PTPN5: variants seen among roughly 807,000 people sequenced by gnomAD.
PTPN5 encodes the protein protein tyrosine phosphatase non-receptor type 5, also known as tyrosine-protein phosphatase non-receptor type 5.
Under a neutral mutation model 73.9 loss-of-function variants are expected in PTPN5, and 29 were observed. The ratio of observed to expected loss-of-function variants is 0.39; its 90% CI spans 0.29 to 0.54. The LOEUF is 0.54. Ranked by LOEUF, PTPN5 falls within the 20% of genes least tolerant of loss-of-function variation. PTPN5 has a pLI of 0.65. For missense variants in PTPN5, 652 were observed against 751.4 expected, an observed-to-expected ratio of 0.87 and a Z score of 1.55; for synonymous variants, 267 against 304.7, an observed-to-expected ratio of 0.88 and a Z score of 1.29.
intron 3 of PTPN5, among the ~76,000 whole-genome samples, chr11:18,747,254 A>G (rs1345702646): frequency 1.3e-5 from 2 of 151,734 alleles, no homozygotes; most frequent in Non-Finnish European, 2.9e-5. Context: ...GGGTTCAAGC[A>G]ATTCTCCTGC....
At chr11:18,772,611 T>A (rs889759194) in intron 1 of PTPN5, among the ~76,000 whole-genome samples, 4 of 152,058 alleles carry the variant, frequency 2.6e-5, no homozygotes, top group Non-Finnish European at 5.9e-5. Flanking sequence ...GGTGCGGGCA[T>A]GGCAGGGACC....
At chr11:18,759,952 G>C (rs1485711630) in intron 3 of PTPN5, among the ~76,000 whole-genome samples, 1 of 152,128 alleles carries the variant, frequency 6.6e-6, no homozygotes, top group Admixed American at 6.5e-5. Flanking sequence ...AGGTAAACCT[G>C]CTCCTTAAAA....
chr11:18,744,117 A>T lies in PTPN5; in HGVS notation c.180T>A (p.Pro60=), dbSNP rs1849505278. The part of the protein sequence containing the change: ...QDSQREMPPP[P]PPSPPSDPAQ... Reference sequence around the variant, plus strand: ...CTGGATCTGAGGGCGGCGAGGGAGGAGGGGGTGGCGGCATCTCTCTCTGTG... The same window carrying T: ...CTGGATCTGAGGGCGGCGAGGGAGGTGGGGGTGGCGGCATCTCTCTCTGTG... Residue 60 remains proline, a synonymous_variant, in exon 4 of 15, where the codon CCT becomes CCA. Transcript: ENST00000358540. 1 of 1,610,046 alleles carries T rather than the reference A, an allele frequency of 6.2e-7. No homozygotes were observed.
chr11:18,765,054 T>C (rs1248174920), intron 3 of PTPN5, among the ~76,000 whole-genome samples: 2 of 152,340 alleles, frequency 1.3e-5, no homozygotes, highest in East Asian at 3.9e-4. Flanking sequence ...AGGAGAGATA[T>C]GAAAATATAT....
Position 18,772,000 on chromosome 11 carries a change from C to T in PTPN5, c.-42G>A. The T allele has an allele frequency of 6.6e-7, 1 of 1,519,480 alleles. No homozygotes were observed. Among genetic ancestry groups the T allele is most frequent in the Non-Finnish European group, 8.8e-7 (1 of 1,135,410 alleles). The allele number at this position is 1,519,480 out of a possible 1,614,324, so 94.1% of individuals were successfully genotyped here. ...TGGGGAAGGGTGCCATCTTCCAGGG[C>T]AGGAAGCTTTCTCAGCAAAAAGCAA... On this transcript the variant is annotated 5_prime_UTR_variant, in exon 2 of 15. Coordinates refer to ENST00000358540, the MANE Select transcript of PTPN5 (RefSeq NM_006906.2).
intron 2 of PTPN5, among the ~76,000 whole-genome samples, chr11:18,769,765 G>A (rs1850794078): frequency 6.6e-6 from 1 of 152,176 alleles, no homozygotes; most frequent in Non-Finnish European, 1.5e-5. Context: ...GATTTCTTGG[G>A]TAGAGCAAAT....
At chr11:18,790,271 G>C (rs1443287929) in intron 1 of PTPN5, among the ~76,000 whole-genome samples, 1 of 152,154 alleles carries the variant, frequency 6.6e-6, no homozygotes, top group Non-Finnish European at 1.5e-5. Flanking sequence ...CAAGGAGAAA[G>C]AGGTGGGGAC....
intron 1 of PTPN5, among the ~76,000 whole-genome samples, chr11:18,791,081 G>A (rs72884509): frequency 0.024 from 3,693 of 152,314 alleles, 71 homozygotes; most frequent in Non-Finnish European, 0.037. Flanking sequence ...AAGCTAAAGG[G>A]TCGGTGGAGG....
chr11:18,780,496 C>T (rs777970921), intron 1 of PTPN5, among the ~76,000 whole-genome samples: 12 of 152,136 alleles, frequency 7.9e-5, no homozygotes, highest in Non-Finnish European at 1.2e-4. Context: ...AACCCTTCTG[C>T]ACTCAGGCCT....
At chr11:18,761,456 A>G (rs1306623093) in intron 3 of PTPN5, among the ~76,000 whole-genome samples, 1 of 152,164 alleles carries the variant, frequency 6.6e-6, no homozygotes, top group Non-Finnish European at 1.5e-5. Context: ...TGAATGTACC[A>G]AAGTGTTTGG....
intron 7 of PTPN5, among the ~76,000 whole-genome samples, chr11:18,741,607 C>G (rs1467727466): frequency 1.3e-5 from 2 of 152,282 alleles, no homozygotes; most frequent in Middle Eastern, 3.4e-3. Flanking sequence ...GGTGTCTACA[C>G]TTCTCAAAGT....
rs573978279 is a variant in PTPN5 at position 18,756,848 on chromosome 11, C to G, written c.97+8959G>C. ...CTGAGGCAGGAGAATTGCTTAAACC[C>G]GGGAGGTGGAGGCTGCAGTGAGCCA... On this transcript the variant is annotated intron_variant, in intron 3 of 14. Coordinates refer to ENST00000358540, the MANE Select transcript of PTPN5 (RefSeq NM_006906.2). 2.0e-5 allele frequency among the ~76,000 whole-genome samples: 3 copies of G among 149,990 alleles called. No homozygotes were observed. In the East Asian group the frequency reaches 5.9e-4, roughly 30 times the overall value.
At chr11:18,743,974 C>T (rs370955060) in intron 4 of PTPN5, 32 bp downstream of exon 4, 176 of 1,562,016 alleles carry the variant, frequency 1.1e-4, no homozygotes, top group Non-Finnish European at 1.4e-4. Context: ...CACCCTCTCT[C>T]CAGACCCTTG....
At chr11:18,756,496 C>T (rs1399042326) in intron 3 of PTPN5, among the ~76,000 whole-genome samples, 9 of 151,834 alleles carry the variant, frequency 5.9e-5, no homozygotes, top group Admixed American at 5.9e-4. Context: ...AGGGTTTTAC[C>T]ATGTTGGCCA....
chr11:18,759,765 G>C (rs925653259), intron 3 of PTPN5, among the ~76,000 whole-genome samples: 2 of 152,154 alleles, frequency 1.3e-5, no homozygotes, highest in African/African-American at 4.8e-5. Context: ...CTACCACTGA[G>C]TGTTGACAGC....
rs200102810 is a variant in PTPN5, at chr11:18,780,817, G to GA, written c.-113-8747dup. ...ACGACAGAAAGCCCAGTGCAGAGGA[G>GA]AAAAAAACATGGAAGGCAGGTCCAG... On this transcript the variant is annotated intron_variant, in intron 1 of 14. Coordinates refer to ENST00000358540, the MANE Select transcript of PTPN5 (RefSeq NM_006906.2). Among the ~76,000 whole-genome samples, 118 of 152,192 alleles carry GA rather than the reference G, an allele frequency of 7.8e-4. 3 individuals are homozygous for GA. In the East Asian group the frequency reaches 0.019, roughly 25 times the overall value.
At chr11:18,783,831 T>C (rs1851550634) in intron 1 of PTPN5, among the ~76,000 whole-genome samples, 1 of 152,180 alleles carries the variant, frequency 6.6e-6, no homozygotes, top group Non-Finnish European at 1.5e-5. Flanking sequence ...AGTAAATACT[T>C]GCATGCTTGA....
intron 1 of PTPN5, among the ~76,000 whole-genome samples, chr11:18,772,772 G>A (rs528833858): frequency 8.4e-4 from 128 of 152,354 alleles, no homozygotes; most frequent in African/African-American, 2.9e-3. Flanking sequence ...TTCAGGCTAC[G>A]TGTGGGACCC....
intron 3 of PTPN5, among the ~76,000 whole-genome samples, chr11:18,755,374 A>T (rs1017218206): frequency 1.3e-5 from 2 of 152,220 alleles, no homozygotes; most frequent in Non-Finnish European, 2.9e-5. Flanking sequence ...CTGACTTAGA[A>T]ACTGTGGGGG....
Sources: allele counts gnomAD v4.1 joint callset (sites outside exome capture counted in the v4.1 genomes callset), GRCh38; gene constraint gnomAD v4.1.1; transcripts MANE v1.5; gene names NCBI Gene and HGNC (gene_info 2026-07-23, HGNC 2026-07-21).